The following PIK3R3 variants were observed in gnomAD, a reference collection of about 807,000 sequenced individuals.
PIK3R3 encodes phosphatidylinositol 3-kinase regulatory subunit gamma.
PIK3R3 carries 64 observed loss-of-function variants against 62.9 expected under a neutral mutation model. That is an observed-to-expected ratio of 1.02 (90% CI 0.83 to 1.25). The LOEUF is 1.25. PIK3R3 is among the 50% of genes most tolerant of loss of function. The pLI, the probability that PIK3R3 is intolerant of heterozygous loss-of-function variation, is 0.00. For missense variants in PIK3R3, 614 were observed against 561.6 expected, an observed-to-expected ratio of 1.09 and a Z score of -0.94; for synonymous variants, 165 against 189.0, an observed-to-expected ratio of 0.87 and a Z score of 1.04.
intron 7 of PIK3R3, among the ~76,000 whole-genome samples, chr1:46,053,733 T>C (rs1647597086): frequency 6.6e-6 from 1 of 152,200 alleles, no homozygotes; most frequent in Non-Finnish European, 1.5e-5. Flanking sequence ...TATGATTTTT[T>C]TTATAGCAGC....
the PIK3R3 span, among the ~76,000 whole-genome samples, chr1:46,150,803 C>CT: frequency 0.011 from 1,245 of 112,692 alleles, 15 homozygotes; most frequent in East Asian, 0.036. Flanking sequence ...GGTAAACACT[C>CT]TTTTTTTTTT....
the PIK3R3 span, among the ~76,000 whole-genome samples, chr1:46,161,459 G>T: frequency 6.6e-6 from 1 of 152,044 alleles, no homozygotes; most frequent in Non-Finnish European, 1.5e-5. Flanking sequence ...TAATATCAGG[G>T]TGATGGCATG....
chr1:46,113,297 ATT>A (rs35565437), intron 1 of PIK3R3, among the ~76,000 whole-genome samples: 16,682 of 126,860 alleles, frequency 0.13, 1,079 homozygotes, highest in Non-Finnish European at 0.18. Flanking sequence ...CTATCTCTCA[ATT>A]TTTTTTTTTT....
the PIK3R3 span, among the ~76,000 whole-genome samples, chr1:46,147,743 A>G: frequency 1.3e-5 from 2 of 152,150 alleles, no homozygotes; most frequent in African/African-American, 4.8e-5. Flanking sequence ...GTTTTTTTAA[A>G]TAGTGTTGCA....
chr1:46,040,441 T>C lies in PIK3R3; in HGVS notation c.*3232A>G. 1 of 230,790 alleles carries C rather than the reference T, an allele frequency of 4.3e-6. No homozygotes were observed. Among genetic ancestry groups the C allele is most frequent in the Non-Finnish European group, 8.6e-6 (1 of 116,460 alleles). 14.3% of individuals were successfully genotyped at this position (230,790 alleles called of 1,614,324 possible). On this transcript the variant is annotated 3_prime_UTR_variant, in exon 10 of 10. Transcript: ENST00000262741. ...GACACATCAAAGACAACAGAATAGA[T>C]TTTTCACAAGTAACGGCACCAAAGT...
chr1:46,137,405 G>A (rs997126251), upstream of PIK3R3, among the ~76,000 whole-genome samples: 1 of 152,228 alleles, frequency 6.6e-6, no homozygotes, highest in Admixed American at 6.5e-5. Flanking sequence ...CTCTAACCAT[G>A]TGCAGGTGAG....
chr1:46,077,901 G>C (rs547090840), intron 2 of PIK3R3, among the ~76,000 whole-genome samples: 8 of 152,228 alleles, frequency 5.3e-5, no homozygotes, highest in African/African-American at 1.9e-4. Context: ...AGCCTTTAAG[G>C]GTTTCCTTAG....
intron 9 of PIK3R3, among the ~76,000 whole-genome samples, chr1:46,045,526 G>T (rs1647085838): frequency 6.8e-6 from 1 of 147,924 alleles, no homozygotes; most frequent in Admixed American, 6.8e-5. Context: ...TTTTCCTTCT[G>T]AAGTAAAAAC....
chr1:46,097,119 G>A (rs1047071706), intron 1 of PIK3R3, among the ~76,000 whole-genome samples: 62 of 152,148 alleles, frequency 4.1e-4, no homozygotes, highest in Non-Finnish European at 2.1e-4. Context: ...ATGACCAAGC[G>A]AGATTTGCTT....
At chr1:46,101,963 A>G (rs1652721579) in intron 1 of PIK3R3, among the ~76,000 whole-genome samples, 1 of 151,556 alleles carries the variant, frequency 6.6e-6, no homozygotes. Flanking sequence ...TAATGTATCA[A>G]AACATTGAAT....
At chr1:46,114,174 T>C (rs766580437) in intron 1 of PIK3R3, among the ~76,000 whole-genome samples, 1 of 152,168 alleles carries the variant, frequency 6.6e-6, no homozygotes, top group Non-Finnish European at 1.5e-5. Flanking sequence ...AGTGCTCTCA[T>C]TGACGAGGCC....
chr1:46,121,378 G>A (rs1159772217), intron 1 of PIK3R3, among the ~76,000 whole-genome samples: 1 of 152,154 alleles, frequency 6.6e-6, no homozygotes, highest in Admixed American at 6.5e-5. Flanking sequence ...TAATACATAT[G>A]TAAGAACAGA....
At chr1:46,102,110 C>T (rs927780229) in intron 1 of PIK3R3, among the ~76,000 whole-genome samples, 2 of 151,400 alleles carry the variant, frequency 1.3e-5, no homozygotes, top group African/African-American at 4.8e-5. Context: ...CTCAGCCTCC[C>T]GAGTAGCTGG....
rs143365457 is a variant in PIK3R3 at position 46,051,323 on chromosome 1, C to T, written c.941+4472G>A. Among the ~76,000 whole-genome samples, 254 of 151,812 alleles carry T rather than the reference C, an allele frequency of 1.7e-3. 4 individuals are homozygous for T. The East Asian group carries it at 0.034, about 20-fold the overall frequency. On this transcript the variant is annotated intron_variant, in intron 7 of 9. Coordinates refer to ENST00000262741, the MANE Select transcript of PIK3R3 (RefSeq NM_003629.4). ...TTGCCCAGGCTAGAGTGCAGTGGGG[C>T]GATCTCAGCTCACTGCAACCTCCAC...
At chr1:46,064,228 TAAAATAA>T (rs966335821) in intron 5 of PIK3R3, among the ~76,000 whole-genome samples, 9 of 141,922 alleles carry the variant, frequency 6.3e-5, no homozygotes, top group Middle Eastern at 4.9e-3. Context: ...AATAAGTAAG[TAAAATAA>T]AAAATAAAAA....
chr1:46,062,099 G>C, intron 5 of PIK3R3, 28 bp from the exon 6 acceptor site: 1 of 1,564,178 alleles, frequency 6.4e-7, no homozygotes, highest in Non-Finnish European at 8.6e-7. Context: ...AAAAAACACA[G>C]GCTTCATTAT....
At chr1:46,165,023 A>C in the PIK3R3 span, among the ~76,000 whole-genome samples, 1 of 152,016 alleles carries the variant, frequency 6.6e-6, no homozygotes, top group Non-Finnish European at 1.5e-5. Flanking sequence ...TTTTAGAGAT[A>C]GGATCTCACT....
the PIK3R3 span, among the ~76,000 whole-genome samples, chr1:46,155,827 C>T: frequency 6.6e-6 from 1 of 152,166 alleles, no homozygotes; most frequent in African/African-American, 2.4e-5. Flanking sequence ...GGGAAAAAAT[C>T]TCAAGAAGCA....
In PIK3R3 at chr1:46,044,102, G is replaced by T. The variant is rs1301720409; in HGVS notation, c.1188-231C>A. Reference sequence around the variant, plus strand: ...TTTCTTTTTTTTTTTTTTAGACAGGGTCTCGCTCTATCACGAAAGCTAGGG... The same window carrying T: ...TTTCTTTTTTTTTTTTTTAGACAGGTTCTCGCTCTATCACGAAAGCTAGGG... On this transcript the variant is annotated intron_variant, in intron 9 of 9. Coordinates refer to ENST00000262741, the MANE Select transcript of PIK3R3 (RefSeq NM_003629.4). The surrounding 1 kb of genome is among the most constrained non-coding windows in gnomAD (Gnocchi z 4.2). Among the ~76,000 whole-genome samples the T allele has an allele frequency of 2.7e-5, 4 of 150,252 alleles. No individual in the cohort carries two copies. The highest frequency in any genetic ancestry group is 5.9e-5 in the Non-Finnish European group (4 of 67,788).
Sources: allele counts gnomAD v4.1 joint callset (sites outside exome capture counted in the v4.1 genomes callset), GRCh38; gene constraint gnomAD v4.1.1; non-coding constraint Gnocchi (gnomAD v3.1); transcripts MANE v1.5; gene names NCBI Gene and HGNC (gene_info 2026-07-23, HGNC 2026-07-21).